The following WWOX variants were observed in gnomAD, a reference collection of about 807,000 sequenced individuals.
WWOX encodes the protein WW domain-containing oxidoreductase.
Under a neutral mutation model 46.2 loss-of-function variants are expected in WWOX, and 69 were observed. That is an observed-to-expected ratio of 1.49 (90% CI 1.23 to 1.82). The LOEUF is 1.82. WWOX is among the 40% of genes most tolerant of loss of function. The pLI is 0.00. For synonymous variants in WWOX, 359 were observed against 202.6 expected (o/e 1.77, Z -6.56); for missense variants, 919 against 542.6 (o/e 1.69, Z -6.89).
chr16:78,375,343 A>G (rs1401187588), intron 5 of WWOX, among the ~76,000 whole-genome samples: 2 of 152,190 alleles, frequency 1.3e-5, no homozygotes, highest in East Asian at 1.9e-4. Flanking sequence ...TGAGTTTCCA[A>G]ATGGCTTATG....
intron 8 of WWOX, among the ~76,000 whole-genome samples, chr16:78,507,429 A>C (rs545114096): frequency 6.6e-6 from 1 of 152,330 alleles, no homozygotes; most frequent in African/African-American, 2.4e-5. Flanking sequence ...TTTATATCTC[A>C]GTCATTTTAC....
intron 8 of WWOX, among the ~76,000 whole-genome samples, chr16:79,103,036 T>A (rs1203085000): frequency 6.6e-6 from 1 of 151,126 alleles, no homozygotes; most frequent in Non-Finnish European, 1.5e-5. Context: ...TGTCCTTGTT[T>A]CCATTTGCTT....
chr16:78,337,461 A>C (rs982180859), intron 5 of WWOX, among the ~76,000 whole-genome samples: 1 of 152,166 alleles, frequency 6.6e-6, no homozygotes, highest in Non-Finnish European at 1.5e-5. Flanking sequence ...ATTTGCTACA[A>C]TTAATAAACC....
chr16:79,025,127 T>TTGTTA (rs61551046), intron 8 of WWOX, among the ~76,000 whole-genome samples: 103,138 of 151,654 alleles, frequency 0.68, 35,353 homozygotes, highest in East Asian at 0.94. Flanking sequence ...TTGTTTTGTT[T>TTGTTA]TGTTTTGTTT....
In WWOX at chr16:78,554,896, A is replaced by G. The variant is rs192279177; in HGVS notation, c.1056+122144A>G. On this transcript the variant is annotated intron_variant, in intron 8 of 8. Transcript: ENST00000566780. The stretch of plus-strand genomic sequence containing the variant: ...GTGCTGGAGACAATCCATTCCTTTC[A>G]CAAAGACTGTAAGCCTTACCCAAGC... Among the ~76,000 whole-genome samples the G allele has an allele frequency of 8.0e-3, 1,222 of 152,224 alleles. 8 individuals carry two copies. The highest frequency in any genetic ancestry group is 0.013 in the Non-Finnish European group (884 of 68,016).
chr16:78,710,703 C>T (rs115208717), intron 8 of WWOX, among the ~76,000 whole-genome samples: 1 of 151,092 alleles, frequency 6.6e-6, no homozygotes, highest in Non-Finnish European at 1.5e-5. Context: ...TAGCCTCAAC[C>T]TCCTGGGCTC....
chr16:78,712,373 G>A (rs2142327384), intron 8 of WWOX, among the ~76,000 whole-genome samples: 1 of 152,150 alleles, frequency 6.6e-6, no homozygotes, highest in South Asian at 2.1e-4. Flanking sequence ...ATAGTGTTGT[G>A]TGCCTGTAGG....
At chr16:78,768,882 G>A (rs983688197) in intron 8 of WWOX, among the ~76,000 whole-genome samples, 1 of 152,180 alleles carries the variant, frequency 6.6e-6, no homozygotes. Flanking sequence ...CGCCAATGCC[G>A]TTGTTTGTAA....
intron 8 of WWOX, chr16:78,691,413 C>T: frequency 3.1e-6 from 2 of 638,674 alleles, no homozygotes; most frequent in Non-Finnish European, 5.6e-6. Flanking sequence ...TAGAAAACAT[C>T]TGGCTGGGCA....
intron 8 of WWOX, among the ~76,000 whole-genome samples, chr16:78,815,948 T>A (rs564716486): frequency 3.3e-5 from 5 of 152,304 alleles, no homozygotes; most frequent in Admixed American, 2.0e-4. Flanking sequence ...TCTCTCTCGA[T>A]GTTCCCAAGT....
At chr16:78,937,273 C>G (rs1047689960) in intron 8 of WWOX, among the ~76,000 whole-genome samples, 6 of 152,020 alleles carry the variant, frequency 3.9e-5, no homozygotes, top group Non-Finnish European at 8.8e-5. Context: ...ATAATACAAG[C>G]AACTGTTTAC....
intron 8 of WWOX, among the ~76,000 whole-genome samples, chr16:78,992,198 G>A (rs4316768): frequency 0.98 from 148,845 of 152,306 alleles, 72,841 homozygotes; most frequent in East Asian, 1. Flanking sequence ...GAGCTCCAAC[G>A]ATGTCACTAT....
intron 5 of WWOX, among the ~76,000 whole-genome samples, chr16:78,243,896 T>C (rs995312654): frequency 6.6e-6 from 1 of 152,240 alleles, no homozygotes; most frequent in South Asian, 2.1e-4. Flanking sequence ...AGTTTCCACT[T>C]ACAAATGAGA....
chr16:78,395,730 C>A (rs532790151), intron 6 of WWOX, among the ~76,000 whole-genome samples: 12 of 151,028 alleles, frequency 7.9e-5, no homozygotes, highest in Non-Finnish European at 1.5e-4. Flanking sequence ...TATTACTCTA[C>A]TGAGTATGGT....
At chr16:78,353,336 T>C (rs560057239) in intron 5 of WWOX, among the ~76,000 whole-genome samples, 17 of 152,296 alleles carry the variant, frequency 1.1e-4, no homozygotes, top group East Asian at 3.9e-4. Context: ...TGCAGAAATA[T>C]TGGCCAGAAG....
intron 8 of WWOX, chr16:78,506,498 A>T (rs1053224638): frequency 2.0e-5 from 3 of 152,108 alleles, no homozygotes; most frequent in Non-Finnish European, 4.4e-5. Flanking sequence ...TCACATGTTT[A>T]TGGCCCGGTG....
intron 8 of WWOX, among the ~76,000 whole-genome samples, chr16:78,798,586 G>GT (rs1257382639): frequency 1.3e-5 from 1 of 79,014 alleles, no homozygotes; most frequent in Non-Finnish European, 3.2e-5. Context: ...GGTAGTTGTT[G>GT]TTGGGTTTTT....
intron 8 of WWOX, among the ~76,000 whole-genome samples, chr16:78,912,426 A>T (rs1241999680): frequency 6.6e-6 from 1 of 151,934 alleles, no homozygotes; most frequent in Non-Finnish European, 1.5e-5. Context: ...CACAATTAGT[A>T]GATGGCAGCT....
intron 5 of WWOX, among the ~76,000 whole-genome samples, chr16:78,284,236 T>C (rs2079732042): frequency 6.6e-6 from 1 of 152,208 alleles, no homozygotes; most frequent in Admixed American, 6.5e-5. Context: ...GTTGGTAACT[T>C]CCGTCTACTT....
Sources: allele counts gnomAD v4.1 joint callset (sites outside exome capture counted in the v4.1 genomes callset), GRCh38; gene constraint gnomAD v4.1.1; transcripts MANE v1.5; gene names NCBI Gene and HGNC (gene_info 2026-07-23, HGNC 2026-07-21).